Variants in DLGAP2 observed in about 807,000 individuals in gnomAD.
DLGAP2 encodes DLG associated protein 2.
In DLGAP2, 26 loss-of-function variants were observed where a neutral mutation model predicts 100.3. The ratio of observed to expected loss-of-function variants is 0.26; its 90% CI spans 0.19 to 0.36. DLGAP2 has a LOEUF of 0.36. Ranked by LOEUF, DLGAP2 falls within the 10% of genes least tolerant of loss-of-function variation. DLGAP2 has a pLI of 1.00. For synonymous variants in DLGAP2, 886 were observed against 630.1 expected (o/e 1.41, Z -6.08); for missense variants, 1,858 against 1,453.2 (o/e 1.28, Z -4.53).
At chr8:1,543,259 A>T (rs2130496871) in intron 4 of DLGAP2, among the ~76,000 whole-genome samples, 1 of 152,284 alleles carries the variant, frequency 6.6e-6, no homozygotes, top group African/African-American at 2.4e-5. Context: ...TGTCTAAGAA[A>T]CCATTGCCTG....
chr8:1,410,684 A>T (rs541574985), intron 3 of DLGAP2, among the ~76,000 whole-genome samples: 1 of 152,232 alleles, frequency 6.6e-6, no homozygotes, highest in Non-Finnish European at 1.5e-5. Context: ...GCACGGCATC[A>T]GGGACACCCC....
chr8:1,510,539 A>C (rs747826545), intron 4 of DLGAP2, among the ~76,000 whole-genome samples: 2 of 152,218 alleles, frequency 1.3e-5, no homozygotes, highest in African/African-American at 4.8e-5. Flanking sequence ...AAGGAAAGGA[A>C]CTGCCTCCCA....
chr8:1,294,361 C>T (rs536166516), intron 3 of DLGAP2, among the ~76,000 whole-genome samples: 4 of 152,300 alleles, frequency 2.6e-5, no homozygotes, highest in African/African-American at 7.2e-5. Flanking sequence ...TGGCACTCTC[C>T]GTCGTCGTCC....
intron 2 of DLGAP2, among the ~76,000 whole-genome samples, chr8:1,001,539 G>A (rs1271440082): frequency 1.3e-5 from 2 of 152,134 alleles, no homozygotes; most frequent in African/African-American, 4.8e-5. Flanking sequence ...ATTGAGGAAG[G>A]TGTCATGAAA....
At chr8:1,623,243 C>T (rs1340736727) in intron 6 of DLGAP2, among the ~76,000 whole-genome samples, 1 of 152,182 alleles carries the variant, frequency 6.6e-6, no homozygotes, top group Non-Finnish European at 1.5e-5. Context: ...GCATGAATTC[C>T]AGAGCCAGGC....
intron 3 of DLGAP2, among the ~76,000 whole-genome samples, chr8:1,273,286 A>G (rs2116933364): frequency 6.6e-6 from 1 of 152,076 alleles, no homozygotes; most frequent in East Asian, 1.9e-4. Context: ...GAAGTCCGGG[A>G]GCCACGTGGG....
At chr8:1,371,795 GC>G in intron 3 of DLGAP2, among the ~76,000 whole-genome samples, 1 of 152,134 alleles carries the variant, frequency 6.6e-6, no homozygotes, top group Admixed American at 6.5e-5. Context: ...TATTCCACGT[GC>G]ATCGTGGAAC....
At chr8:1,189,688 C>G (rs572254692) in intron 2 of DLGAP2, among the ~76,000 whole-genome samples, 1 of 152,142 alleles carries the variant, frequency 6.6e-6, no homozygotes, top group African/African-American at 2.4e-5. Context: ...GAGTTTTCCC[C>G]TCAGGAAGTT....
chr8:955,161 A>G (rs996965479), intron 2 of DLGAP2, among the ~76,000 whole-genome samples: 1 of 152,166 alleles, frequency 6.6e-6, no homozygotes, highest in African/African-American at 2.4e-5. Flanking sequence ...CTTCATGCTC[A>G]TGGAAGCTCA....
intron 1 of DLGAP2, among the ~76,000 whole-genome samples, chr8:836,909 A>G (rs554929051): frequency 6.6e-6 from 1 of 152,208 alleles, no homozygotes; most frequent in Non-Finnish European, 1.5e-5. Flanking sequence ...TGTCTCTGCC[A>G]GCGCACATGC....
At chr8:1,031,737 C>T (rs1801979876) in intron 2 of DLGAP2, among the ~76,000 whole-genome samples, 1 of 151,996 alleles carries the variant, frequency 6.6e-6, no homozygotes. Flanking sequence ...GCACTGATGC[C>T]GAAGTATGGA....
chr8:870,649 T>C (rs1797580264), intron 1 of DLGAP2, among the ~76,000 whole-genome samples: 1 of 152,138 alleles, frequency 6.6e-6, no homozygotes, highest in Non-Finnish European at 1.5e-5. Flanking sequence ...GCCATGGCCC[T>C]AATCCAGACT....
intron 1 of DLGAP2, among the ~76,000 whole-genome samples, chr8:761,067 G>A (rs979246951): frequency 1.3e-5 from 2 of 152,204 alleles, no homozygotes; most frequent in Admixed American, 6.5e-5. Flanking sequence ...CCTGTGCCGG[G>A]CGCCGTTCTG....
chr8:1,332,416 C>T (rs755335035), intron 3 of DLGAP2, among the ~76,000 whole-genome samples: 16 of 151,862 alleles, frequency 1.1e-4, no homozygotes, highest in African/African-American at 1.2e-4. Context: ...TGAGTATATG[C>T]GTGTGTCAGT....
At chr8:1,580,873 A>C (rs897060130) in intron 6 of DLGAP2, among the ~76,000 whole-genome samples, 1 of 152,064 alleles carries the variant, frequency 6.6e-6, no homozygotes, top group Non-Finnish European at 1.5e-5. Flanking sequence ...AACTACCAGA[A>C]GTGAAGGATA....
intron 4 of DLGAP2, among the ~76,000 whole-genome samples, chr8:1,518,715 T>C (rs1181816471): frequency 6.6e-6 from 1 of 152,198 alleles, no homozygotes; most frequent in Non-Finnish European, 1.5e-5. Context: ...GATTTGTTTT[T>C]CTCAGGCTCC....
At chr8:995,086 C>G (rs1800748707) in intron 2 of DLGAP2, among the ~76,000 whole-genome samples, 1 of 152,080 alleles carries the variant, frequency 6.6e-6, no homozygotes, top group African/African-American at 2.4e-5. Context: ...AATTATTGAG[C>G]AAATGAAAAG....
intron 3 of DLGAP2, among the ~76,000 whole-genome samples, chr8:1,340,809 A>C (rs1029537477): frequency 3.3e-5 from 5 of 152,236 alleles, no homozygotes; most frequent in Admixed American, 2.6e-4. Flanking sequence ...CACAGTTCAC[A>C]ATAGCAGAGA....
At chr8:1,696,584 C>T (rs1297590324) in intron 13 of DLGAP2, among the ~76,000 whole-genome samples, 2 of 152,210 alleles carry the variant, frequency 1.3e-5, no homozygotes, top group African/African-American at 4.8e-5. Context: ...GTCTCTGGGC[C>T]ACTCGGCCCA....
Sources: gnomAD v4.1 joint callset for allele counts (sites outside exome capture counted in the v4.1 genomes callset) on GRCh38, gnomAD v4.1.1 for gene constraint, MANE v1.5 for transcripts, NCBI Gene and HGNC (gene_info 2026-07-23, HGNC 2026-07-21) for gene names.